Variants in FGFR1 observed in about 807,000 individuals in gnomAD.
FGFR1 encodes the protein fibroblast growth factor receptor 1, also known as FGFR1/PLAG1 fusion.
Under a neutral mutation model 93.7 loss-of-function variants are expected in FGFR1, and 18 were observed. That is an observed-to-expected ratio of 0.19 (90% CI 0.13 to 0.28). The LOEUF (loss-of-function observed/expected upper bound fraction) is 0.28. Among genes scored for constraint, FGFR1 ranks in the 10% least tolerant of loss-of-function variants. The probability of loss-of-function intolerance (pLI) is 1.00; values close to 1 mark genes in which losing one functional copy is unlikely to be tolerated. For missense variants in FGFR1, 731 were observed against 1,080.4 expected, an observed-to-expected ratio of 0.68 and a Z score of 4.53; for synonymous variants, 448 against 429.3, an observed-to-expected ratio of 1.04 and a Z score of -0.54.
At chr8:38,418,812 A>AG (rs1817679151) in intron 9 of FGFR1, 1 of 256,994 alleles carries the variant, frequency 3.9e-6, no homozygotes, top group Admixed American at 5.0e-5. Flanking sequence ...CCCGTGGGGA[A>AG]GGGTGGGCAC....
chr8:38,443,783 G>A (rs1223920709), intron 2 of FGFR1, among the ~76,000 whole-genome samples: 2 of 152,074 alleles, frequency 1.3e-5, no homozygotes, highest in Non-Finnish European at 2.9e-5. Context: ...GCTGGGCTCG[G>A]TGGCTCACGC....
At chr8:38,428,165 A>C in intron 4 of FGFR1, 72 bp from the exon 5 acceptor site, 2 of 1,601,062 alleles carry the variant, frequency 1.2e-6, no homozygotes, top group Non-Finnish European at 1.7e-6. Context: ...AGCAGGGCCC[A>C]GGCCAGGACC....
chr8:38,413,422 G>C lies in FGFR1; in HGVS notation c.*206C>G. On this transcript the variant is annotated 3_prime_UTR_variant, in exon 18 of 18. Transcript: ENST00000447712. This position sits in a 1 kb window ranked among gnomAD's most constrained non-coding sequence, Gnocchi z 4.2. ...GCTGGCAGCAAAGATCTGCCTCTTT[G>C]CACCTCTCACCAGCAGGTGGAGAGG... 1.7e-6 allele frequency: 1 copy of C among 598,138 alleles called. No individual in the cohort carries two copies. The allele number at this position is 598,138 out of a possible 1,614,324, so 37.1% of individuals were successfully genotyped here.
intron 2 of FGFR1, chr8:38,440,382 G>A (rs769698972): frequency 1.9e-6 from 3 of 1,586,566 alleles, no homozygotes; most frequent in African/African-American, 2.7e-5. Flanking sequence ...TCCTACAAGG[G>A]TTTGGGTGGA....
At chr8:38,456,578 C>A (rs1832901671) in intron 2 of FGFR1, among the ~76,000 whole-genome samples, 1 of 152,100 alleles carries the variant, frequency 6.6e-6, no homozygotes, top group East Asian at 1.9e-4. Context: ...GACTGCTGAC[C>A]CTTATAGAAG....
chr8:38,419,912 G>T, intron 8 of FGFR1, 177 bp from the exon 9 acceptor site: 1 of 608,340 alleles, frequency 1.6e-6, no homozygotes. Flanking sequence ...GCAACCCCCT[G>T]ATTTTGGAGG....
chr8:38,444,897 C>A (rs901762525), intron 2 of FGFR1, among the ~76,000 whole-genome samples: 3 of 152,034 alleles, frequency 2.0e-5, no homozygotes, highest in Admixed American at 6.5e-5. Flanking sequence ...CCATTTAGTC[C>A]CAAACTCAGC....
rs981703846 is a variant in FGFR1, at chr8:38,421,872, C to A, written c.1006G>T (p.Ala336Ser). The change falls in exon 8 of 18, where the codon GCA becomes TCA. Residue 336 changes from alanine to serine, a missense_variant. Coordinates refer to ENST00000447712, the MANE Select transcript of FGFR1 (RefSeq NM_023110.3). Reference sequence around the variant, plus strand: ...CCCGCCAAGCACGTATACTCCCCTGCGTCCTCAAAGGAGACATTTCTTAAG... The same window carrying A: ...CCCGCCAAGCACGTATACTCCCCTGAGTCCTCAAAGGAGACATTTCTTAAG... ...LHLRNVSFED[A>S]GEYTCLAGNS... is the part of the protein sequence containing the mutation. The A allele has an allele frequency of 1.9e-6, 3 of 1,614,054 alleles. No individual in the cohort carries two copies. The highest frequency in any genetic ancestry group is 2.2e-5 in the East Asian group (1 of 44,880).
At chr8:38,435,515 C>T (rs1416413562) in intron 2 of FGFR1, 1 of 152,256 alleles carries the variant, frequency 6.6e-6, no homozygotes, top group East Asian at 1.9e-4. Context: ...TGCGTCACAA[C>T]CCCATCCAGT....
Position 38,421,831 on chromosome 8 carries a change from G to C in FGFR1, c.1047C>G (p.Leu349=), listed in dbSNP as rs962302466. Residue 349 remains leucine, a synonymous_variant, in exon 8 of 18, where the codon CTC becomes CTG. Transcript: ENST00000447712. ...YTCLAGNSIG[L]SHHSAWLTVL... Reference sequence around the variant, plus strand: ...CGGTCAACCATGCAGAGTGATGGGAGAGTCCGATAGAGTTACCCGCCAAGC... The same window carrying C: ...CGGTCAACCATGCAGAGTGATGGGACAGTCCGATAGAGTTACCCGCCAAGC... 1.2e-6 allele frequency: 2 copies of C among 1,614,034 alleles called. No individual in the cohort carries two copies. The highest frequency in any genetic ancestry group is 2.7e-5 in the African/African-American group (2 of 74,932).
intron 2 of FGFR1, among the ~76,000 whole-genome samples, chr8:38,448,971 T>C (rs1830248654): frequency 6.6e-6 from 1 of 151,910 alleles, no homozygotes; most frequent in African/African-American, 2.4e-5. Context: ...GCATGGTGGC[T>C]CATGCCTGTA....
chr8:38,436,043 G>C (rs1825288459), intron 2 of FGFR1, among the ~76,000 whole-genome samples: 2 of 152,168 alleles, frequency 1.3e-5, no homozygotes, highest in Admixed American at 6.6e-5. Context: ...AAAAAGACTG[G>C]CTGTTCACTA....
intron 1 of FGFR1, among the ~76,000 whole-genome samples, chr8:38,458,531 ACT>A (rs1363720951): frequency 3.3e-5 from 5 of 151,816 alleles, no homozygotes; most frequent in Admixed American, 2.0e-4. Context: ...ACAGAGTGAG[ACT>A]CTGTCTCAAA....
rs752866466 is a variant in FGFR1, at chr8:38,413,902, G to T, written c.2292+16C>A. The T allele has an allele frequency of 1.9e-6, 3 of 1,613,612 alleles. No homozygotes were observed. Among genetic ancestry groups the T allele is most frequent in the Non-Finnish European group, 1.7e-6 (2 of 1,179,706 alleles). On this transcript the variant is annotated intron_variant, in intron 17 of 17. Coordinates refer to ENST00000447712, the MANE Select transcript of FGFR1 (RefSeq NM_023110.3). This position sits in a 1 kb window ranked among gnomAD's most constrained non-coding sequence, Gnocchi z 4.2. The stretch of plus-strand genomic sequence containing the variant: ...GGGGACGGCCTGAGCTCTGGCTCTG[G>T]CACGGGCAGCCTTACCTGGTTGGAG...
rs1835966407 is a variant in FGFR1, at chr8:38,468,306, T to C, written c.-414A>G. The C allele has an allele frequency of 1.3e-5, 3 of 227,514 alleles. No homozygotes were observed. The highest frequency in any genetic ancestry group is 2.6e-5 in the Non-Finnish European group (3 of 114,486). 14.1% of individuals were successfully genotyped at this position (227,514 alleles called of 1,614,324 possible). Reference sequence around the variant, plus strand: ...GCCTCACTTTCCTTGCAGACCGGGCTCCATCGCCCTGCGGAGGCCCCGGCG... The same window carrying C: ...GCCTCACTTTCCTTGCAGACCGGGCCCCATCGCCCTGCGGAGGCCCCGGCG... On this transcript the variant is annotated 5_prime_UTR_variant, in exon 1 of 18. Coordinates refer to ENST00000447712, the MANE Select transcript of FGFR1 (RefSeq NM_023110.3).
In FGFR1 at chr8:38,417,294, G is replaced by GC. The variant is rs1179963713; in HGVS notation, c.1663+11dup. ...CCGCTGGGCAGGGAAAGCCAGTCTG[G>GC]CCGGCACCCACCATCCTGCGTGCAG... On this transcript the variant is annotated intron_variant, in intron 12 of 17. Transcript: ENST00000447712. 4.4e-6 allele frequency: 7 copies of GC among 1,606,666 alleles called. 1 individual carries two copies. Among genetic ancestry groups the GC allele is most frequent in the Non-Finnish European group, 6.0e-6 (7 of 1,175,308 alleles).
chr8:38,441,787 A>G (rs929700885), intron 2 of FGFR1, among the ~76,000 whole-genome samples: 1 of 152,248 alleles, frequency 6.6e-6, no homozygotes, highest in Non-Finnish European at 1.5e-5. Context: ...CTGGTGGTGA[A>G]GACAGAAACT....
Position 38,428,305 on chromosome 8 carries a change from C to G in FGFR1, c.448+41G>C, listed in dbSNP as rs556525654. On this transcript the variant is annotated intron_variant, in intron 4 of 17. Transcript: ENST00000447712. ...TTCCCCTCCCCTCTTAAACCCAATG[C>G]CCAGACCCAAAGGGCAGTAAGATAG... 47 of 1,600,058 alleles carry G rather than the reference C, an allele frequency of 2.9e-5. No individual in the cohort carries two copies. In the South Asian group the frequency reaches 5.1e-4, roughly 17 times the overall value.
At chr8:38,436,992 C>T (rs1032903664) in intron 2 of FGFR1, among the ~76,000 whole-genome samples, 2 of 152,158 alleles carry the variant, frequency 1.3e-5, no homozygotes, top group South Asian at 2.1e-4. Context: ...AAGTGATTCT[C>T]GTGCCTCAGT....
Sources: allele counts gnomAD v4.1 joint callset (sites outside exome capture counted in the v4.1 genomes callset), GRCh38; gene constraint gnomAD v4.1.1; non-coding constraint Gnocchi (gnomAD v3.1); transcripts MANE v1.5; gene names NCBI Gene and HGNC (gene_info 2026-07-23, HGNC 2026-07-21).